Variants in SUGP2 observed in about 807,000 individuals in gnomAD.
The protein encoded by SUGP2 is SURP and G-patch domain-containing protein 2.
Under a neutral mutation model 90.5 loss-of-function variants are expected in SUGP2, and 24 were observed. That is an observed-to-expected ratio of 0.27 (90% CI 0.19 to 0.37). The LOEUF (loss-of-function observed/expected upper bound fraction) is 0.37. SUGP2 is among the 10% of genes least tolerant of loss of function. SUGP2 has a pLI of 1.00. For missense variants in SUGP2, 1,233 were observed against 1,363.3 expected (o/e 0.90, Z 1.51); for synonymous variants, 473 against 513.4 (o/e 0.92, Z 1.06).
chr19:19,001,206 G>A (rs1270705860), intron 8 of SUGP2, among the ~76,000 whole-genome samples: 3 of 151,908 alleles, frequency 2.0e-5, no homozygotes, highest in African/African-American at 7.3e-5. Flanking sequence ...TAGTAGAGAC[G>A]GGGTTTCATC....
chr19:19,010,040 G>A lies in SUGP2; in HGVS notation c.2153C>T (p.Pro718Leu), dbSNP rs767748279. The A allele has an allele frequency of 1.9e-6, 3 of 1,613,990 alleles. No homozygotes were observed. The highest frequency in any genetic ancestry group is 2.5e-6 in the Non-Finnish European group (3 of 1,180,020). The change falls in exon 5 of 11, where the codon CCA becomes CTA. Residue 718 changes from proline (P) to leucine (L), a missense_variant. Around this residue, in one of 8 missense-constraint regions of SUGP2, gnomAD observed 540 missense variants for 542.6 expected, o/e 1.00. Coordinates refer to ENST00000452918, the MANE Select transcript of SUGP2 (RefSeq NM_001017392.5). ...TRLKHHGRQA[P>L]GLSQAKPSLP... is the part of the protein sequence containing the mutation. ...GGATGGTTTTGCCTGTGAGAGGCCT[G>A]GAGCCTGCCGGCCGTGGTGTTTCAG...
At chr19:19,031,715 T>A (rs2059159654) in intron 1 of SUGP2, among the ~76,000 whole-genome samples, 1 of 151,406 alleles carries the variant, frequency 6.6e-6, no homozygotes, top group South Asian at 2.1e-4. Flanking sequence ...AAAAAAAAAA[T>A]GCGTGCTCAC....
chr19:18,993,391 A>T lies in SUGP2; in HGVS notation c.*350T>A, dbSNP rs1157470258. 6.6e-6 allele frequency: 1 copy of T among 152,150 alleles called. No homozygotes were observed. The highest frequency in any genetic ancestry group is 2.4e-5 in the African/African-American group (1 of 41,430). The allele number at this position is 152,150 out of a possible 1,614,324, so 9.4% of individuals were successfully genotyped here. A position where few individuals can be genotyped will look rare whatever the true frequency, so the allele number is the denominator to read the frequency against. Reference sequence around the variant, plus strand: ...CTTCTGGAGAGCAATGGCCAGTCCAACTGGAAAATCAGCCAGAGGAGCTGG... The same window carrying T: ...CTTCTGGAGAGCAATGGCCAGTCCATCTGGAAAATCAGCCAGAGGAGCTGG... On this transcript the variant is annotated 3_prime_UTR_variant, in exon 11 of 11. Coordinates refer to ENST00000452918, the MANE Select transcript of SUGP2 (RefSeq NM_001017392.5).
chr19:19,004,602 T>C lies in SUGP2; in HGVS notation c.2495A>G (p.Lys832Arg). ...TGATGGACATAGTTCAAACACTTTC[T>C]TTCGATAGAATTTGAAAGCAGAACT... ...QNSSAFKFYRKKVFELCPSIC... is the reference protein window; with the variant it reads ...QNSSAFKFYRRKVFELCPSIC... The change falls in exon 7 of 11, where the codon AAG becomes AGG. Residue 832 changes from lysine to arginine, a missense_variant. Around this residue, in one of 8 missense-constraint regions of SUGP2, gnomAD observed 540 missense variants for 542.6 expected, o/e 1.00. Coordinates refer to ENST00000452918, the MANE Select transcript of SUGP2 (RefSeq NM_001017392.5). 1 of 1,613,222 alleles carries C rather than the reference T, an allele frequency of 6.2e-7. No individual in the cohort carries two copies. Among genetic ancestry groups the C allele is most frequent in the Non-Finnish European group, 8.5e-7 (1 of 1,179,388 alleles).
Position 19,004,763 on chromosome 19 carries a change from C to T in SUGP2, c.2451-117G>A, listed in dbSNP as rs2057995196. 6.2e-6 allele frequency: 5 copies of T among 811,322 alleles called. No homozygotes were observed. In the South Asian group the frequency reaches 8.6e-5, roughly 14 times the overall value. The allele number at this position is 811,322 out of a possible 1,614,324, so 50.3% of individuals were successfully genotyped here. On this transcript the variant is annotated intron_variant, in intron 6 of 10. Coordinates refer to ENST00000452918, the MANE Select transcript of SUGP2 (RefSeq NM_001017392.5). ...GAGGTGGGACAAGGGAAAGAATAAC[C>T]TGACCAGTCTCTACGCGGCTATGGC...
chr19:19,011,761 C>T (rs114604171), intron 4 of SUGP2, among the ~76,000 whole-genome samples: 2,580 of 152,160 alleles, frequency 0.017, 79 homozygotes, highest in African/African-American at 0.059. Context: ...CTTTGGGAGG[C>T]GGAAGCAGGT....
chr19:19,013,137 G>A (rs1051703282), intron 4 of SUGP2, among the ~76,000 whole-genome samples: 3 of 152,154 alleles, frequency 2.0e-5, no homozygotes, highest in Non-Finnish European at 2.9e-5. Context: ...AAAGTGCTGG[G>A]ATTACAGGCA....
chr19:19,028,068 T>G (rs1013478564), intron 2 of SUGP2, among the ~76,000 whole-genome samples: 1 of 152,036 alleles, frequency 6.6e-6, no homozygotes, highest in Non-Finnish European at 1.5e-5. Context: ...AGGGGGCCAA[T>G]GTAGACAGAA....
At chr19:19,013,038 A>T (rs762916566) in intron 4 of SUGP2, among the ~76,000 whole-genome samples, 5 of 151,632 alleles carry the variant, frequency 3.3e-5, no homozygotes, top group Non-Finnish European at 5.9e-5. Flanking sequence ...TAATTTTCGA[A>T]TTTTTTTTAG....
At chr19:19,019,291 G>A in intron 3 of SUGP2, 62 bp from the exon 4 acceptor site, 1 of 1,562,194 alleles carries the variant, frequency 6.4e-7, no homozygotes, top group Non-Finnish European at 8.7e-7. Context: ...AGAAGACGAG[G>A]ATAGTTGAGT....
chr19:19,008,943 GCT>G lies in SUGP2; in HGVS notation c.2339-517_2339-516del, dbSNP rs535147174. Among the ~76,000 whole-genome samples the G allele has an allele frequency of 1.7e-4, 26 of 152,196 alleles. No homozygotes were observed. In the South Asian group the frequency reaches 5.4e-3, roughly 32 times the overall value. On this transcript the variant is annotated intron_variant, in intron 5 of 10. Transcript: ENST00000452918. Reference sequence around the variant, plus strand: ...TGGTTTTTTTTTGAGATGGAGTCTTGCTCTGTCGCCCAGGCTGGAGTGCAGTG... The same window carrying G: ...TGGTTTTTTTTTGAGATGGAGTCTTGCTGTCGCCCAGGCTGGAGTGCAGTG...
chr19:19,004,186 G>C lies in SUGP2; in HGVS notation c.2911C>G (p.Leu971Val). 1 of 1,567,588 alleles carries C rather than the reference G, an allele frequency of 6.4e-7. No homozygotes were observed. The highest frequency in any genetic ancestry group is 1.4e-5 in the African/African-American group (1 of 74,070). ...GMIPAPKRVC[L>V]IQEPKVHEPV... ...CACTCACCTTTTGGCTCCTGGATGAGACACACTCTCTTGGGAGCTGGAATC... is the reference window on the plus strand; with the variant it reads ...CACTCACCTTTTGGCTCCTGGATGACACACACTCTCTTGGGAGCTGGAATC... Residue 971 changes from leucine to valine, a missense_variant, in exon 7 of 11, where the codon CTC becomes GTC. Leu to Val is a conservative substitution (Grantham distance 32). Around this residue, in one of 8 missense-constraint regions of SUGP2, gnomAD observed 105 missense variants for 155.2 expected, o/e 0.68. Transcript: ENST00000452918.
intron 6 of SUGP2, 42 bp downstream of exon 6, chr19:19,008,275 T>G (rs372822806): frequency 3.6e-5 from 54 of 1,486,494 alleles, no homozygotes; most frequent in Middle Eastern, 1.7e-4. Flanking sequence ...TTTGTCTCTC[T>G]GAGAAAGAAA....
At chr19:19,027,518 AAT>A (rs1255285410) in intron 2 of SUGP2, among the ~76,000 whole-genome samples, 1 of 152,264 alleles carries the variant, frequency 6.6e-6, no homozygotes, top group African/African-American at 2.4e-5. Context: ...AATAAACAAA[AAT>A]ATATCAGATG....
At position 19,025,958 on chromosome 19, in the gene SUGP2, A is replaced by T; in HGVS notation, c.390T>A (p.His130Gln). The T allele has an allele frequency of 2.5e-6, 4 of 1,614,200 alleles. No individual in the cohort carries two copies. The highest frequency in any genetic ancestry group is 3.4e-6 in the Non-Finnish European group (4 of 1,180,038). Residue 130 changes from histidine (H) to glutamine (Q), a missense_variant, in exon 3 of 11, where the codon CAT becomes CAA. Transcript: ENST00000452918. Reference sequence around the variant, plus strand: ...CAAATTTCCAGTCCTGAGAACGGAAATGCCCCAATTTCCGGTGGCCAATGA... The same window carrying T: ...CAAATTTCCAGTCCTGAGAACGGAATTGCCCCAATTTCCGGTGGCCAATGA... ...DQVIGHRKLG[H>Q]FRSQDWKFAL...
In SUGP2 at chr19:19,033,506, C is replaced by A; in HGVS notation, c.-81G>T. 7.1e-7 allele frequency: 1 copy of A among 1,405,726 alleles called. No homozygotes were observed. Among genetic ancestry groups the A allele is most frequent in the Non-Finnish European group, 9.3e-7 (1 of 1,079,086 alleles). The allele number at this position is 1,405,726 out of a possible 1,614,324, so 87.1% of individuals were successfully genotyped here. On this transcript the variant is annotated 5_prime_UTR_variant, in exon 1 of 11. Coordinates refer to ENST00000452918, the MANE Select transcript of SUGP2 (RefSeq NM_001017392.5). ...CTCCTCACCCGCCGCCGCCGCCGCG[C>A]GAGGCGGGGACATGCAAATGAACCA...
At chr19:19,032,428 G>T (rs915865794) in intron 1 of SUGP2, among the ~76,000 whole-genome samples, 1 of 152,144 alleles carries the variant, frequency 6.6e-6, no homozygotes, top group African/African-American at 2.4e-5. Context: ...CAAAGTGCTG[G>T]GATTCCAGGC....
intron 8 of SUGP2, among the ~76,000 whole-genome samples, chr19:18,996,763 G>A (rs534221516): frequency 6.6e-6 from 1 of 152,258 alleles, no homozygotes; most frequent in East Asian, 1.9e-4. Flanking sequence ...TGTTAACCAT[G>A]CTGGTCTTGA....
At position 19,008,397 on chromosome 19, in the gene SUGP2, T is replaced by A; in HGVS notation, c.2370A>T (p.Lys790Asn). 1.2e-6 allele frequency: 2 copies of A among 1,614,184 alleles called. No individual in the cohort carries two copies. Among genetic ancestry groups the A allele is most frequent in the Non-Finnish European group, 1.7e-6 (2 of 1,180,026 alleles). ...CCACCTGAGCAACAAATCTAGCCAG[T>A]TTCTCTGCAGTCTCCATTGTCTTCA... ...IDMKTMETAE[K>N]LARFVAQVGP... is the part of the protein sequence containing the mutation. The change falls in exon 6 of 11, where the codon AAA becomes AAT. Residue 790 changes from lysine (K) to asparagine (N), a missense_variant. Lys to Asn is a moderately conservative substitution (Grantham distance 94). Coordinates refer to ENST00000452918, the MANE Select transcript of SUGP2 (RefSeq NM_001017392.5).
Sources: gnomAD v4.1 joint callset for allele counts (sites outside exome capture counted in the v4.1 genomes callset) on GRCh38, gnomAD v4.1.1 for gene constraint, gnomAD v4.1.1 regional missense constraint, MANE v1.5 for transcripts, NCBI Gene and HGNC (gene_info 2026-07-23, HGNC 2026-07-21) for gene names.